Variants in VPS8 observed in about 807,000 individuals in gnomAD.
The protein encoded by VPS8 is VPS8 subunit of CORVET complex.
In VPS8, 129 loss-of-function variants were observed where a neutral mutation model predicts 216.4. The observed-to-expected ratio is 0.60, with a 90% CI of 0.52 to 0.69. The LOEUF is 0.69. Among genes scored for constraint, VPS8 ranks in the 30% least tolerant of loss-of-function variants. The probability of loss-of-function intolerance (pLI) is 0.00; values close to 1 mark genes in which losing one functional copy is unlikely to be tolerated. For missense variants in VPS8, 1,531 were observed against 1,683.5 expected (o/e 0.91, Z 1.59); for synonymous variants, 571 against 565.4 (o/e 1.01, Z -0.14).
At chr3:184,973,625 T>G (rs1748792559) in intron 40 of VPS8, among the ~76,000 whole-genome samples, 1 of 152,166 alleles carries the variant, frequency 6.6e-6, no homozygotes, top group Non-Finnish European at 1.5e-5. Context: ...CCCTACTGTT[T>G]TGTTGAACAT....
rs764796332 is a variant in VPS8, at chr3:184,900,879, T to G, written c.2095-42T>G. ...GATTCTTATTTTTTAAATAATATCATTTGAGATGATGATGATTGTTTTCCT... is the reference window on the plus strand; with the variant it reads ...GATTCTTATTTTTTAAATAATATCAGTTGAGATGATGATGATTGTTTTCCT... On this transcript the variant is annotated intron_variant, in intron 24 of 47. Coordinates refer to ENST00000625842, the MANE Select transcript of VPS8 (RefSeq NM_001009921.3). The G allele has an allele frequency of 4.0e-6, 6 of 1,518,744 alleles. No individual in the cohort carries two copies. The East Asian group carries it at 1.1e-4, about 29-fold the overall frequency. 94.1% of individuals were successfully genotyped at this position (1,518,744 alleles called of 1,614,324 possible). A position where few individuals can be genotyped will look rare whatever the true frequency, so the allele number is the denominator to read the frequency against.
At chr3:184,920,395 GCTT>G (rs1454653946) in intron 29 of VPS8, among the ~76,000 whole-genome samples, 197 bp downstream of exon 29, 1 of 152,086 alleles carries the variant, frequency 6.6e-6, no homozygotes, top group Non-Finnish European at 1.5e-5. Context: ...GTGTATGTTG[GCTT>G]TAGACTGGGG....
chr3:184,895,042 C>A, intron 23 of VPS8, 117 bp downstream of exon 23: 3 of 827,464 alleles, frequency 3.6e-6, no homozygotes, highest in Non-Finnish European at 3.7e-6. Flanking sequence ...ATTTATTGAG[C>A]ACTTTTTGTA....
chr3:184,972,669 C>A (rs1370966204), intron 40 of VPS8, among the ~76,000 whole-genome samples: 3 of 152,216 alleles, frequency 2.0e-5, no homozygotes, highest in African/African-American at 7.2e-5. Context: ...TATCACAGAT[C>A]CCAGATGGCA....
intron 21 of VPS8, among the ~76,000 whole-genome samples, chr3:184,881,630 G>C (rs1011487119): frequency 1.3e-5 from 2 of 151,882 alleles, no homozygotes; most frequent in African/African-American, 4.8e-5. Context: ...CAATTTCTTT[G>C]ACTCTCCATA....
intron 36 of VPS8, among the ~76,000 whole-genome samples, chr3:184,944,249 A>G (rs1338233113): frequency 6.6e-6 from 1 of 152,192 alleles, no homozygotes; most frequent in Non-Finnish European, 1.5e-5. Flanking sequence ...ACCTGCAAAG[A>G]TATTGGTGGC....
chr3:185,000,326 T>C (rs563766835), intron 45 of VPS8, among the ~76,000 whole-genome samples: 1 of 152,348 alleles, frequency 6.6e-6, no homozygotes, highest in East Asian at 1.9e-4. Context: ...GATAATTTTA[T>C]GTATTTTACA....
chr3:184,927,735 C>G (rs1356327940), intron 31 of VPS8, among the ~76,000 whole-genome samples: 1 of 152,182 alleles, frequency 6.6e-6, no homozygotes, highest in Non-Finnish European at 1.5e-5. Context: ...AACTCCCACT[C>G]CCTGTTTTCT....
chr3:184,835,598 A>G (rs1037493409), intron 5 of VPS8, among the ~76,000 whole-genome samples: 3 of 152,114 alleles, frequency 2.0e-5, no homozygotes, highest in African/African-American at 4.8e-5. Flanking sequence ...ATATAATGAT[A>G]ATGACAGATT....
Position 184,855,772 on chromosome 3 carries a change from A to C in VPS8, c.1097A>C (p.Asn366Thr). Residue 366 changes from asparagine (N) to threonine (T), a missense_variant, in exon 14 of 48, where the codon AAT (asparagine) becomes ACT (threonine). Asn to Thr is a moderately conservative substitution (Grantham distance 65). This residue lies in a region of VPS8 where 1,318 missense variants were observed against 1,468.4 expected (regional missense o/e 0.90). Transcript: ENST00000625842. ...TTTGTAGCAGTACAAAATTACGTGA[A>C]TCCCATGCTTGCCTTCTGCAGAGGA... The part of the protein sequence containing the change: ...WHFVAVQNYV[N>T]PMLAFCRGDV... 6.2e-7 allele frequency: 1 copy of C among 1,613,740 alleles called. No homozygotes were observed. Among genetic ancestry groups the C allele is most frequent in the Non-Finnish European group, 8.5e-7 (1 of 1,179,810 alleles).
intron 38 of VPS8, among the ~76,000 whole-genome samples, chr3:184,965,771 A>T (rs1346357043): frequency 6.6e-6 from 1 of 152,190 alleles, no homozygotes; most frequent in Non-Finnish European, 1.5e-5. Flanking sequence ...AACAAAGCAG[A>T]CAATACTTGG....
chr3:184,824,742 C>T lies in VPS8; in HGVS notation c.110C>T (p.Ser37Phe), dbSNP rs770321304. The T allele has an allele frequency of 6.2e-7, 1 of 1,613,444 alleles. No individual in the cohort carries two copies. The highest frequency in any genetic ancestry group is 1.1e-5 in the South Asian group (1 of 90,996). ...FNLEASLSKF[S>F]YIDMDKELEF... ...CTAGAAGCTTCACTTTCAAAATTCT[C>T]TTACATAGATATGGACAAGGAACTG... Residue 37 changes from serine (S) to phenylalanine (F), a missense_variant, in exon 2 of 48, where the codon TCT becomes TTT. Ser to Phe is a radical substitution (Grantham distance 155). Around this residue, in one of 3 missense-constraint regions of VPS8, gnomAD observed 199 missense variants for 182.2 expected, o/e 1.09. Transcript: ENST00000625842.
chr3:184,922,130 T>C (rs1738744773), intron 29 of VPS8, among the ~76,000 whole-genome samples: 2 of 152,144 alleles, frequency 1.3e-5, no homozygotes, highest in Non-Finnish European at 2.9e-5. Flanking sequence ...TTTGCAAGGG[T>C]TTTCTTTCAG....
Position 185,025,836 on chromosome 3 carries a change from G to T in VPS8, c.4056+1447G>T, listed in dbSNP as rs78729291. 4.6e-5 allele frequency among the ~76,000 whole-genome samples: 7 copies of T among 152,278 alleles called. No individual in the cohort carries two copies. In the East Asian group the frequency reaches 1.3e-3, roughly 29 times the overall value. On this transcript the variant is annotated intron_variant, in intron 46 of 47. Transcript: ENST00000625842. Reference sequence around the variant, plus strand: ...GTGCCTTGGATACCACCAGACTTGGGTTCGAAGATTTACTCTTCTGCTTAT... The same window carrying T: ...GTGCCTTGGATACCACCAGACTTGGTTTCGAAGATTTACTCTTCTGCTTAT...
intron 31 of VPS8, among the ~76,000 whole-genome samples, chr3:184,927,314 T>G (rs937974189): frequency 1.3e-5 from 2 of 152,172 alleles, no homozygotes; most frequent in Non-Finnish European, 2.9e-5. Flanking sequence ...AGAGCTGTGC[T>G]GAAGTATGGC....
chr3:184,900,861 A>G (rs1734354594), intron 24 of VPS8, 60 bp from the exon 25 acceptor site: 2 of 1,446,040 alleles, frequency 1.4e-6, no homozygotes, highest in Admixed American at 2.1e-5. Context: ...TAAGATTCTT[A>G]TTTTTTAAAT....
chr3:184,884,261 C>T (rs916810566), intron 21 of VPS8, among the ~76,000 whole-genome samples: 15 of 152,050 alleles, frequency 9.9e-5, no homozygotes, highest in South Asian at 4.2e-4. Context: ...TGTGGTGTTC[C>T]GCGCCCTGTG....
rs3040915 is a variant in VPS8, at chr3:184,830,454, TCACACA to T, written c.223-2212_223-2207del. Among the ~76,000 whole-genome samples, 297 of 147,798 alleles carry T rather than the reference TCACACA, an allele frequency of 2.0e-3. 3 individuals are homozygous for T. In the East Asian group the frequency reaches 0.026, roughly 13 times the overall value. On this transcript the variant is annotated intron_variant, in intron 3 of 47. Transcript: ENST00000625842. ...TAAGTTTTAGAATTAGTTTATCAGT[TCACACA>T]CACACACACACACACACACACAAAT...
chr3:184,918,963 C>T (rs1417031819), intron 28 of VPS8: 1 of 152,196 alleles, frequency 6.6e-6, no homozygotes, highest in Non-Finnish European at 1.5e-5. Context: ...AGAGTTCCTA[C>T]AGTCTCCTTG....
Sources: allele counts gnomAD v4.1 joint callset (sites outside exome capture counted in the v4.1 genomes callset), GRCh38; gene constraint gnomAD v4.1.1; regional missense constraint gnomAD v4.1.1; transcripts MANE v1.5; gene names NCBI Gene and HGNC (gene_info 2026-07-23, HGNC 2026-07-21).